The following EXT2 variants were observed in gnomAD, a reference collection of about 807,000 sequenced individuals.
EXT2 encodes exostosin glycosyltransferase 2.
A neutral mutation model predicts 81.6 loss-of-function variants in EXT2; 53 were observed. That is an observed-to-expected ratio of 0.65 (90% confidence interval 0.52 to 0.82). EXT2 has a LOEUF of 0.82. Ranked by LOEUF, EXT2 falls within the 40% of genes least tolerant of loss-of-function variation. The pLI, the probability that EXT2 is intolerant of heterozygous loss-of-function variation, is 0.00. For missense variants in EXT2, 774 were observed against 910.2 expected (o/e 0.85, Z 1.93); for synonymous variants, 320 against 340.0 (o/e 0.94, Z 0.65).
rs2135296920 is a variant in EXT2 at position 44,251,802 on chromosome 11, A to C, written c.*7515A>C. ...TCCTTCAGTCAACAAATACTTATTG[A>C]GCAGTTATTGTGTGCCAGATACTGT... is the stretch of plus-strand genomic sequence containing the variant. On this transcript the variant is annotated 3_prime_UTR_variant, in exon 14 of 14. Coordinates refer to ENST00000533608, the MANE Select transcript of EXT2 (RefSeq NM_207122.2). Among the ~76,000 whole-genome samples the C allele has an allele frequency of 6.6e-6, 1 of 152,358 alleles. No individual in the cohort carries two copies. Among genetic ancestry groups the C allele is most frequent in the Non-Finnish European group, 1.5e-5 (1 of 68,036 alleles).
At chr11:44,232,224 C>T in intron 10 of EXT2, 129 bp from the exon 11 acceptor site, 1 of 1,173,228 alleles carries the variant, frequency 8.5e-7, no homozygotes, top group Non-Finnish European at 1.2e-6. Context: ...TCTCCAGAAT[C>T]CCATTATGAC....
chr11:44,134,115 G>C (rs1336813263), intron 7 of EXT2, among the ~76,000 whole-genome samples: 1 of 152,240 alleles, frequency 6.6e-6, no homozygotes, highest in Non-Finnish European at 1.5e-5. Flanking sequence ...GCATTGGGCA[G>C]ACTACTGGGG....
At chr11:44,112,952 A>G (rs1465265397) in intron 3 of EXT2, among the ~76,000 whole-genome samples, 1 of 152,200 alleles carries the variant, frequency 6.6e-6, no homozygotes, top group African/African-American at 2.4e-5. Context: ...TTCTCTGCAC[A>G]TAGGCCATGG....
At chr11:44,183,944 C>T (rs530611366) in intron 8 of EXT2, among the ~76,000 whole-genome samples, 103 of 152,342 alleles carry the variant, frequency 6.8e-4, no homozygotes, top group African/African-American at 2.3e-3. Context: ...CTACTGTCCA[C>T]TGCTCTTGTT....
At chr11:44,194,547 A>C (rs940475141) in intron 8 of EXT2, among the ~76,000 whole-genome samples, 1 of 152,128 alleles carries the variant, frequency 6.6e-6, no homozygotes, top group South Asian at 2.1e-4. Flanking sequence ...CTGAAATCAG[A>C]TTGCTTGAGT....
Position 44,234,620 on chromosome 11 carries a change from G to A in EXT2, c.1935+377G>A, listed in dbSNP as rs368217075. Among the ~76,000 whole-genome samples the A allele has an allele frequency of 3.3e-4, 50 of 151,156 alleles. No homozygotes were observed. The East Asian group carries it at 5.7e-3, about 17-fold the overall frequency. On this transcript the variant is annotated intron_variant, in intron 12 of 13. Transcript: ENST00000533608. ...GCTGGTTTTTTTTTTAATAGATGTTGAGAAAATAGTACACCTCATACAGTT... is the reference window on the plus strand; with the variant it reads ...GCTGGTTTTTTTTTTAATAGATGTTAAGAAAATAGTACACCTCATACAGTT...
rs991130817 is a variant in EXT2 at position 44,220,823 on chromosome 11, C to G, written c.1663-11530C>G. On this transcript the variant is annotated intron_variant, in intron 10 of 13. Transcript: ENST00000533608. The surrounding 1 kb of genome is among the most constrained non-coding windows in gnomAD (Gnocchi z 4.4). The stretch of plus-strand genomic sequence containing the variant: ...GATCCCAAGTAGTGGGCCAGAAGCC[C>G]AGGGAGGTGCTGAAGGAAGCCGCAG... Among the ~76,000 whole-genome samples, 3 of 152,170 alleles carry G rather than the reference C, an allele frequency of 2.0e-5. No homozygotes were observed. The highest frequency in any genetic ancestry group is 4.4e-5 in the Non-Finnish European group (3 of 68,028).
At chr11:44,190,655 T>G (rs942522225) in intron 8 of EXT2, among the ~76,000 whole-genome samples, 1 of 152,252 alleles carries the variant, frequency 6.6e-6, no homozygotes, top group African/African-American at 2.4e-5. Context: ...CTTGATTTCT[T>G]CAGTGCTACA....
chr11:44,204,931 TC>T (rs1419610893), intron 9 of EXT2, among the ~76,000 whole-genome samples: 1 of 152,152 alleles, frequency 6.6e-6, no homozygotes, highest in Non-Finnish European at 1.5e-5. Context: ...ATTTTATTTA[TC>T]TGAAATAGGG....
chr11:44,223,045 T>A (rs1420290218), intron 10 of EXT2, among the ~76,000 whole-genome samples: 1 of 152,202 alleles, frequency 6.6e-6, no homozygotes, highest in Non-Finnish European at 1.5e-5. Context: ...CATTAACTAT[T>A]ATGGAAATGC....
intron 4 of EXT2, among the ~76,000 whole-genome samples, chr11:44,124,444 T>TACACACACACACACACAC (rs57261356): frequency 1.1e-4 from 16 of 145,040 alleles, no homozygotes; most frequent in African/African-American, 3.6e-4. Flanking sequence ...GTTTCTCTCC[T>TACACACACACACACACAC]ACACACACAC....
intron 10 of EXT2, among the ~76,000 whole-genome samples, chr11:44,212,867 T>C (rs1181811522): frequency 6.6e-6 from 1 of 151,982 alleles, no homozygotes; most frequent in African/African-American, 2.4e-5. Context: ...AATTCTAGAG[T>C]AGAAAAAACT....
intron 1 of EXT2, among the ~76,000 whole-genome samples, chr11:44,100,263 A>T (rs1430224849): frequency 6.6e-6 from 1 of 152,168 alleles, no homozygotes; most frequent in African/African-American, 2.4e-5. Context: ...CAGAGCACAA[A>T]CCAAGGTCGT....
Position 44,197,944 on chromosome 11 carries a change from C to A in EXT2, c.1421C>A (p.Thr474Asn). The change falls in exon 9 of 14, where the codon ACT (threonine) becomes AAT (asparagine). Residue 474 changes from threonine to asparagine, a missense_variant. This residue lies in a region of EXT2 where 626 missense variants were observed against 670.5 expected (regional missense o/e 0.93). Transcript: ENST00000533608. ...DRVESLFRVI[T>N]EVSKVPSLSK... ...GTAGAGAGCCTCTTCCGGGTCATCA[C>A]TGAAGTGTCCAAGGTGCCCAGTCTA... 2 of 1,614,104 alleles carry A rather than the reference C, an allele frequency of 1.2e-6. No homozygotes were observed. The highest frequency in any genetic ancestry group is 1.7e-6 in the Non-Finnish European group (2 of 1,179,986).
chr11:44,203,165 A>G (rs1955540940), intron 9 of EXT2, among the ~76,000 whole-genome samples: 1 of 152,196 alleles, frequency 6.6e-6, no homozygotes, highest in Non-Finnish European at 1.5e-5. Context: ...TTTTCATTCG[A>G]TAATCTTTCT....
At chr11:44,222,107 G>T (rs1955788197) in intron 10 of EXT2, among the ~76,000 whole-genome samples, 2 of 152,114 alleles carry the variant, frequency 1.3e-5, no homozygotes, top group African/African-American at 2.4e-5. Flanking sequence ...ATTTACTACT[G>T]TCTGTTGGCT....
intron 9 of EXT2, among the ~76,000 whole-genome samples, chr11:44,204,083 A>G (rs1381515098): frequency 6.6e-6 from 1 of 152,182 alleles, no homozygotes. Flanking sequence ...ATGTTGTGGT[A>G]CCCAAATCTG....
intron 1 of EXT2, among the ~76,000 whole-genome samples, chr11:44,102,720 G>A (rs975978568): frequency 4.6e-5 from 7 of 151,922 alleles, no homozygotes; most frequent in African/African-American, 1.5e-4. Flanking sequence ...AACAATACTT[G>A]GTGGTGTTTG....
chr11:44,156,028 C>T (rs1374002807), intron 7 of EXT2, among the ~76,000 whole-genome samples: 1 of 152,156 alleles, frequency 6.6e-6, no homozygotes, highest in Non-Finnish European at 1.5e-5. Flanking sequence ...TTTCCTTCAG[C>T]ACTTCAAATA....
Sources: gnomAD v4.1 joint callset for allele counts (sites outside exome capture counted in the v4.1 genomes callset) on GRCh38, gnomAD v4.1.1 for gene constraint, gnomAD v4.1.1 regional missense constraint, Gnocchi (gnomAD v3.1) non-coding constraint, MANE v1.5 for transcripts, NCBI Gene and HGNC (gene_info 2026-07-23, HGNC 2026-07-21) for gene names.